The following ARHGAP25 variants were observed in gnomAD, a reference collection of about 807,000 sequenced individuals.
The protein encoded by ARHGAP25 is rho GTPase-activating protein 25.
Under a neutral mutation model 71.0 loss-of-function variants are expected in ARHGAP25, and 34 were observed. The ratio of observed to expected loss-of-function variants is 0.48; its 90% CI spans 0.36 to 0.64. The LOEUF (loss-of-function observed/expected upper bound fraction) is 0.64, where lower values mean the gene tolerates loss of function less well. ARHGAP25 is among the 30% of genes least tolerant of loss of function. The pLI is 0.00. For synonymous variants in ARHGAP25, 282 were observed against 296.5 expected (o/e 0.95, Z 0.50); for missense variants, 706 against 805.1 (o/e 0.88, Z 1.49).
rs756653326 is a variant in ARHGAP25, at chr2:68,816,376, G to A, written c.881+14G>A. ...CTACATCTGCAGGTGAGAGGCCCCT[G>A]GTATCAACTCTGCAGTTTTCAACCC... On this transcript the variant is annotated intron_variant, in intron 7 of 10. Coordinates refer to ENST00000409202, the MANE Select transcript of ARHGAP25 (RefSeq NM_001007231.3). 4.4e-6 allele frequency: 7 copies of A among 1,601,830 alleles called. No individual in the cohort carries two copies. The highest frequency in any genetic ancestry group is 6.0e-6 in the Non-Finnish European group (7 of 1,169,438).
At chr2:68,814,636 A>G (rs1368014790) in intron 6 of ARHGAP25, among the ~76,000 whole-genome samples, 1 of 152,218 alleles carries the variant, frequency 6.6e-6, no homozygotes, top group African/African-American at 2.4e-5. Flanking sequence ...TTCATAGAAT[A>G]TATTTATTTA....
Position 68,807,293 on chromosome 2 carries a change from G to A in ARHGAP25, c.487G>A (p.Asp163Asn). 1 of 1,614,238 alleles carries A rather than the reference G, an allele frequency of 6.2e-7. No homozygotes were observed. The highest frequency in any genetic ancestry group is 8.5e-7 in the Non-Finnish European group (1 of 1,180,044). ...CTCAGCAGTGTTTGGCCAGCGCTTG[G>A]ATGAGACTGTGGCCTATGAACAGAA... is the stretch of plus-strand genomic sequence containing the variant. ...PCGAVFGQRL[D>N]ETVAYEQKFG... The change falls in exon 5 of 11, where the codon GAT (aspartate) becomes AAT (asparagine). Residue 163 changes from aspartate (D) to asparagine (N), a missense_variant. Physicochemically the swap from Asp to Asn is conservative, Grantham distance 23. Coordinates refer to ENST00000409202, the MANE Select transcript of ARHGAP25 (RefSeq NM_001007231.3).
In ARHGAP25 at chr2:68,712,447, A is replaced by G. The variant is rs1346166590; in HGVS notation, c.-18+1749A>G. 2.0e-5 allele frequency among the ~76,000 whole-genome samples: 3 copies of G among 152,142 alleles called. No homozygotes were observed. In the East Asian group the frequency reaches 5.8e-4, roughly 29 times the overall value. The stretch of plus-strand genomic sequence containing the variant: ...GGATAGATTGCAAAAATTTTCTCCC[A>G]TTTTGTAGGTTGCCTGTTCATTCTG... On this transcript the variant is annotated intron_variant and NMD_transcript_variant, in intron 2 of 7. Coordinates refer to the ARHGAP25 transcript ENST00000463483.
intron 4 of ARHGAP25, among the ~76,000 whole-genome samples, chr2:68,801,446 CAAG>C (rs1679955581): frequency 1.3e-5 from 2 of 152,176 alleles, no homozygotes; most frequent in Admixed American, 1.3e-4. Context: ...GAAAGTGTCC[CAAG>C]AAGAAGGAGG....
chr2:68,821,774 G>C (rs1410335962), intron 9 of ARHGAP25, among the ~76,000 whole-genome samples: 3 of 152,132 alleles, frequency 2.0e-5, no homozygotes, highest in African/African-American at 7.2e-5. Context: ...TTTTTCCTCT[G>C]TGAGCTGCCT....
chr2:68,721,569 C>T (rs1028101511), intron 2 of ARHGAP25, among the ~76,000 whole-genome samples: 2 of 152,234 alleles, frequency 1.3e-5, no homozygotes, highest in Non-Finnish European at 2.9e-5. Context: ...CCAGCTCCTC[C>T]TCTCCCCAGG....
intron 1 of ARHGAP25, among the ~76,000 whole-genome samples, chr2:68,754,308 GC>G: frequency 2.0e-4 from 1 of 4,926 alleles, no homozygotes; most frequent in South Asian, 6.4e-3. Context: ...CTGTTCCTAT[GC>G]TTTTGCTTTT....
rs376497270 is a variant in ARHGAP25 at position 68,722,422 on chromosome 2, G to A, written c.-18+11724G>A. Reference sequence around the variant, plus strand: ...TTAAAACCCTGACTCTACTAAAAATGCAAAAATCAGCCAGGCATGGTGGCA... The same window carrying A: ...TTAAAACCCTGACTCTACTAAAAATACAAAAATCAGCCAGGCATGGTGGCA... On this transcript the variant is annotated intron_variant and NMD_transcript_variant, in intron 2 of 7. Coordinates refer to the ARHGAP25 transcript ENST00000463483. Among the ~76,000 whole-genome samples, 40 of 151,600 alleles carry A rather than the reference G, an allele frequency of 2.6e-4. No individual in the cohort carries two copies. The East Asian group carries it at 3.7e-3, about 14-fold the overall frequency.
At chr2:68,773,582 A>G (rs1489140512) in intron 1 of ARHGAP25, among the ~76,000 whole-genome samples, 1 of 152,234 alleles carries the variant, frequency 6.6e-6, no homozygotes, top group Non-Finnish European at 1.5e-5. Flanking sequence ...TGGATACACT[A>G]GAAACCCAAT....
At chr2:68,765,494 T>G (rs1256040259) in intron 1 of ARHGAP25, among the ~76,000 whole-genome samples, 2 of 152,184 alleles carry the variant, frequency 1.3e-5, no homozygotes, top group African/African-American at 4.8e-5. Context: ...GACCCACTAC[T>G]GAAGTTCAAC....
At chr2:68,749,495 C>A (rs1676033297) in intron 1 of ARHGAP25, among the ~76,000 whole-genome samples, 1 of 152,188 alleles carries the variant, frequency 6.6e-6, no homozygotes, top group Non-Finnish European at 1.5e-5. Context: ...GCCTCTTAAC[C>A]ATTTCCCGTC....
chr2:68,728,913 G>A (rs1346037382), intron 2 of ARHGAP25, among the ~76,000 whole-genome samples: 2 of 152,028 alleles, frequency 1.3e-5, no homozygotes, highest in African/African-American at 2.4e-5. Context: ...ATATTATTTG[G>A]CCATGAAAAG....
intron 1 of ARHGAP25, among the ~76,000 whole-genome samples, chr2:68,740,790 C>A (rs1220173048): frequency 6.6e-6 from 1 of 152,194 alleles, no homozygotes; most frequent in Non-Finnish European, 1.5e-5. Context: ...ATGAGTTGTT[C>A]TTAATACGGT....
chr2:68,781,630 A>C (rs1397967095), intron 2 of ARHGAP25, among the ~76,000 whole-genome samples: 1 of 152,166 alleles, frequency 6.6e-6, no homozygotes, highest in African/African-American at 2.4e-5. Context: ...ATGAACTACT[A>C]TTCTGGCACT....
intron 4 of ARHGAP25, among the ~76,000 whole-genome samples, chr2:68,795,529 C>T (rs747687854): frequency 1.3e-5 from 2 of 152,106 alleles, no homozygotes; most frequent in Non-Finnish European, 2.9e-5. Context: ...ACCCAATGAT[C>T]ATTCGGTAGC....
chr2:68,807,581 G>A (rs1680467673), intron 5 of ARHGAP25, 101 bp downstream of exon 5: 1 of 1,185,004 alleles, frequency 8.4e-7, no homozygotes, highest in African/African-American at 1.5e-5. Flanking sequence ...CTTGCATAGA[G>A]ACTTCTAAGA....
Position 68,785,328 on chromosome 2 carries a change from A to T in ARHGAP25, c.350-2512A>T, listed in dbSNP as rs148653173. On this transcript the variant is annotated intron_variant, in intron 3 of 10. Transcript: ENST00000409202. Reference sequence around the variant, plus strand: ...CAAGGGCAGAACAAGGAGATCAGTGAGGAGGCTTTTGCAAGAATCCAAGTC... The same window carrying T: ...CAAGGGCAGAACAAGGAGATCAGTGTGGAGGCTTTTGCAAGAATCCAAGTC... Among the ~76,000 whole-genome samples the T allele has an allele frequency of 1.2e-3, 186 of 152,346 alleles. No homozygotes were observed. In the Middle Eastern group the frequency reaches 0.014, roughly 11 times the overall value.
rs1326152962 is a variant in ARHGAP25, at chr2:68,746,714, C to CCG, written c.61+11454_61+11455insCG. 5.3e-5 allele frequency among the ~76,000 whole-genome samples: 8 copies of CCG among 151,314 alleles called. 1 individual carries two copies. The highest frequency in any genetic ancestry group is 1.5e-4 in the African/African-American group (6 of 41,164). On this transcript the variant is annotated intron_variant, in intron 1 of 10. Transcript: ENST00000409202. ...TAAAGACAGGGACCACCCCCCTCCC[C>CCG]ATCCCCACAGGGCCGGGCGCGGTGG...
At chr2:68,758,328 G>C (rs1035446227) in intron 1 of ARHGAP25, among the ~76,000 whole-genome samples, 1 of 151,818 alleles carries the variant, frequency 6.6e-6, no homozygotes, top group Non-Finnish European at 1.5e-5. Context: ...TGGCAGAATG[G>C]ATAAGAAAAC....
Sources: gnomAD v4.1 joint callset for allele counts (sites outside exome capture counted in the v4.1 genomes callset) on GRCh38, gnomAD v4.1.1 for gene constraint, MANE v1.5 for transcripts, NCBI Gene and HGNC (gene_info 2026-07-23, HGNC 2026-07-21) for gene names.